The following RIOK3 variants were observed in gnomAD, a reference collection of about 807,000 sequenced individuals.
RIOK3 encodes the protein RIO kinase 3, also known as serine/threonine-protein kinase RIO3.
Under a neutral mutation model 63.5 loss-of-function variants are expected in RIOK3, and 40 were observed. The observed-to-expected ratio is 0.63, with a 90% CI of 0.49 to 0.82. The LOEUF (loss-of-function observed/expected upper bound fraction) is 0.82. RIOK3 is among the 40% of genes least tolerant of loss of function. The pLI, the probability that RIOK3 is intolerant of heterozygous loss-of-function variation, is 0.00. For missense variants in RIOK3, 557 were observed against 637.0 expected (o/e 0.87, Z 1.35); for synonymous variants, 193 against 205.0 (o/e 0.94, Z 0.50).
rs1388565694 is a variant in RIOK3, at chr18:23,472,225, T to A, written c.816-1204T>A. ...TCCAGCCTGGGTGACAAAGTGAGAC[T>A]CTGTCTCAAAAAAAAAAAGAAATGT... On this transcript the variant is annotated intron_variant, in intron 7 of 12. Coordinates refer to ENST00000339486, the MANE Select transcript of RIOK3 (RefSeq NM_003831.5). Among the ~76,000 whole-genome samples, 6 of 144,588 alleles carry A rather than the reference T, an allele frequency of 4.1e-5. No individual in the cohort carries two copies. In the Admixed American group the frequency reaches 4.4e-4, roughly 10 times the overall value. The allele number at this position is 144,588 out of a possible 152,430, so 94.9% of individuals were successfully genotyped here.
chr18:23,475,462 C>CAAAAAAAAAAAAAAAAAAA (rs60717269), intron 9 of RIOK3, among the ~76,000 whole-genome samples: 1 of 99,324 alleles, frequency 1.0e-5, no homozygotes, highest in Non-Finnish European at 1.9e-5. Flanking sequence ...GACTCTGTCT[C>CAAAAAAAAAAAAAAAAAAA]AAAAAAAAAA....
intron 11 of RIOK3, among the ~76,000 whole-genome samples, chr18:23,478,606 C>CATATATATAT (rs67305895): frequency 4.6e-5 from 6 of 130,964 alleles, no homozygotes; most frequent in Admixed American, 1.5e-4. Context: ...AAAAACAAAA[C>CATATATATAT]ATATATATAT....
chr18:23,461,534 G>A (rs1440906323), intron 1 of RIOK3, among the ~76,000 whole-genome samples: 1 of 152,192 alleles, frequency 6.6e-6, no homozygotes, highest in African/African-American at 2.4e-5. Flanking sequence ...GAAAGAGTTG[G>A]GCAAGTTCAG....
Position 23,467,531 on chromosome 18 carries a change from A to G in RIOK3, c.815+5A>G. 1 of 1,611,476 alleles carries G rather than the reference A, an allele frequency of 6.2e-7. No homozygotes were observed. The highest frequency in any genetic ancestry group is 8.5e-7 in the Non-Finnish European group (1 of 1,178,390). On this transcript the variant is annotated splice_donor_5th_base_variant and intron_variant, in intron 7 of 12. Transcript: ENST00000339486. ...CTTTCATGCATATGGAGGGAGGTAA[A>G]TGAGCAAAATATGATACCATGATAT...
At chr18:23,453,572 G>T in intron 1 of RIOK3, 70 bp downstream of exon 1, 1 of 1,360,440 alleles carries the variant, frequency 7.4e-7, no homozygotes. Flanking sequence ...AGCTCGGAGA[G>T]GGCGGCTTCG....
chr18:23,481,585 A>G lies in RIOK3; in HGVS notation c.*306A>G, dbSNP rs548663682. 3.0e-5 allele frequency: 7 copies of G among 232,514 alleles called. No individual in the cohort carries two copies. The highest frequency in any genetic ancestry group is 1.3e-4 in the African/African-American group (6 of 44,696). 14.4% of individuals were successfully genotyped at this position (232,514 alleles called of 1,614,324 possible). A position where few individuals can be genotyped will look rare whatever the true frequency, so the allele number is the denominator to read the frequency against. ...GTAAAATGTCTTGATGATAATTTTTAAAACTTGGGTAACACTTCCAAATAT... is the reference window on the plus strand; with the variant it reads ...GTAAAATGTCTTGATGATAATTTTTGAAACTTGGGTAACACTTCCAAATAT... On this transcript the variant is annotated 3_prime_UTR_variant, in exon 13 of 13. Transcript: ENST00000339486.
At chr18:23,457,303 G>A (rs75608448) in intron 1 of RIOK3, among the ~76,000 whole-genome samples, 6,551 of 152,108 alleles carry the variant, frequency 0.043, 220 homozygotes, top group South Asian at 0.17. Flanking sequence ...TTGATAGAGA[G>A]TTGTAAAAAA....
At position 23,462,981 on chromosome 18, in the gene RIOK3, T is replaced by G. The variant is rs1385419553; in HGVS notation, c.81T>G (p.Pro27=). The G allele has an allele frequency of 6.3e-7, 1 of 1,583,928 alleles. No homozygotes were observed. The highest frequency in any genetic ancestry group is 8.6e-7 in the Non-Finnish European group (1 of 1,165,342). ...WGPSKCPWAI[P]QNTISCSLAD... ...TTTCATAGTGTCCATGGGCTATTCC[T>G]CAAAATACAATATCTTGTTCTTTGG... Residue 27 remains proline (P), a synonymous_variant, in exon 2 of 13, where the codon CCT becomes CCG. Coordinates refer to ENST00000339486, the MANE Select transcript of RIOK3 (RefSeq NM_003831.5).
chr18:23,463,076 T>G lies in RIOK3; in HGVS notation c.176T>G (p.Val59Gly). 6.3e-7 allele frequency: 1 copy of G among 1,598,098 alleles called. No homozygotes were observed. Among genetic ancestry groups the G allele is most frequent in the East Asian group, 2.2e-5 (1 of 44,636 alleles). ...LEEEAAVFPE[V>G]AVAEGPFITG... ...GAAGAAGCTGCCGTTTTTCCTGAAG[T>G]TGCGTAAGTAAAATTCACAAATACT... The change falls in exon 2 of 13, where the codon GTT (valine) becomes GGT (glycine). Residue 59 changes from valine to glycine, a missense_variant. This residue lies in a region of RIOK3 where 243 missense variants were observed against 275.4 expected (regional missense o/e 0.88). Coordinates refer to ENST00000339486, the MANE Select transcript of RIOK3 (RefSeq NM_003831.5).
At chr18:23,464,182 C>A in intron 3 of RIOK3, 24 bp from the exon 4 acceptor site, 2 of 1,609,780 alleles carry the variant, frequency 1.2e-6, no homozygotes, top group Non-Finnish European at 1.7e-6. Flanking sequence ...CTAAGTAAAT[C>A]TTCAACTATT....
At position 23,481,208 on chromosome 18, in the gene RIOK3, C is replaced by A; in HGVS notation, c.1489C>A (p.Gln497Lys). ...GGAGAAAATGAATGAAGATCACGTTCAGAAGAATGGAAGGAAAGCTGCTTC... is the reference window on the plus strand; with the variant it reads ...GGAGAAAATGAATGAAGATCACGTTAAGAAGAATGGAAGGAAAGCTGCTTC... ...ALEKMNEDHV[Q>K]KNGRKAASFL... is the part of the protein sequence containing the mutation. The change falls in exon 13 of 13, where the codon CAG becomes AAG. Residue 497 changes from glutamine to lysine, a missense_variant. Coordinates refer to ENST00000339486, the MANE Select transcript of RIOK3 (RefSeq NM_003831.5). 1 of 1,612,462 alleles carries A rather than the reference C, an allele frequency of 6.2e-7. No homozygotes were observed. The highest frequency in any genetic ancestry group is 8.5e-7 in the Non-Finnish European group (1 of 1,179,142).
At chr18:23,457,110 T>C (rs928496240) in intron 1 of RIOK3, among the ~76,000 whole-genome samples, 7 of 152,176 alleles carry the variant, frequency 4.6e-5, no homozygotes, top group Non-Finnish European at 1.5e-5. Flanking sequence ...AATGTAATAT[T>C]ACTATTATGA....
rs771368177 is a variant in RIOK3 at position 23,464,208 on chromosome 18, T to G, written c.328T>G (p.Ser110Ala). The G allele has an allele frequency of 6.2e-6, 10 of 1,612,958 alleles. No homozygotes were observed. Among genetic ancestry groups the G allele is most frequent in the Middle Eastern group, 1.6e-4 (1 of 6,078 alleles). Residue 110 changes from serine to alanine, a missense_variant and splice_region_variant, in exon 4 of 13, where the codon TCC becomes GCC. By Grantham distance (99) the Ser-to-Ala change is moderately conservative (BLOSUM62 1). Around this residue, in one of 3 missense-constraint regions of RIOK3, gnomAD observed 243 missense variants for 275.4 expected, o/e 0.88. Coordinates refer to ENST00000339486, the MANE Select transcript of RIOK3 (RefSeq NM_003831.5). ...EKKFNGDSKV[S>A]ISFENYRKVH... ...TTCAACTATTTTTGCTTCTTAAGTT[T>G]CCATTTCCTTTGAAAATTATCGAAA...
In RIOK3 at chr18:23,458,055, G is replaced by A. The variant is rs553406991; in HGVS notation, c.63+4553G>A. On this transcript the variant is annotated intron_variant, in intron 1 of 12. Coordinates refer to ENST00000339486, the MANE Select transcript of RIOK3 (RefSeq NM_003831.5). The stretch of plus-strand genomic sequence containing the variant: ...ACTACAAGTGTGCATCACCACGCCT[G>A]GCTAGTTGTTTTTTTTTTTTTTGTA... Among the ~76,000 whole-genome samples, 25 of 146,988 alleles carry A rather than the reference G, an allele frequency of 1.7e-4. No individual in the cohort carries two copies. In the South Asian group the frequency reaches 4.6e-3, roughly 27 times the overall value.
chr18:23,456,461 G>A (rs763700943), intron 1 of RIOK3: 3 of 151,260 alleles, frequency 2.0e-5, no homozygotes, highest in Non-Finnish European at 4.4e-5. Context: ...AATTTGGCTG[G>A]CTTTAAAAAA....
At chr18:23,467,007 CTG>C (rs2057413098) in intron 6 of RIOK3, among the ~76,000 whole-genome samples, 1 of 150,604 alleles carries the variant, frequency 6.6e-6, no homozygotes, top group Admixed American at 6.7e-5. Flanking sequence ...GTCTCTCTCT[CTG>C]TCTCTAAAAA....
intron 1 of RIOK3, among the ~76,000 whole-genome samples, chr18:23,456,182 C>G (rs866584854): frequency 7.2e-5 from 11 of 152,152 alleles, no homozygotes; most frequent in Admixed American, 4.6e-4. Context: ...TACCCCACCC[C>G]CTTCCGCCCT....
chr18:23,471,646 G>A (rs1475963487), intron 7 of RIOK3, among the ~76,000 whole-genome samples: 2 of 152,144 alleles, frequency 1.3e-5, no homozygotes, highest in African/African-American at 2.4e-5. Context: ...TAGGGAGGGC[G>A]GTAGTGGAAG....
intron 2 of RIOK3, 110 bp downstream of exon 2, chr18:23,463,189 C>T: frequency 1.6e-6 from 1 of 640,250 alleles, no homozygotes; most frequent in Non-Finnish European, 2.7e-6. Flanking sequence ...GAAGAAAGCA[C>T]CATATTGAGA....
Sources: allele counts gnomAD v4.1 joint callset (sites outside exome capture counted in the v4.1 genomes callset), GRCh38; gene constraint gnomAD v4.1.1; regional missense constraint gnomAD v4.1.1; transcripts MANE v1.5; gene names NCBI Gene and HGNC (gene_info 2026-07-23, HGNC 2026-07-21).